The following ROBO4 variants were observed in gnomAD, a reference collection of about 807,000 sequenced individuals.
ROBO4 encodes roundabout guidance receptor 4, also known as roundabout homolog 4.
In ROBO4, 80 loss-of-function variants were observed where a neutral mutation model predicts 103.3. The ratio of observed to expected loss-of-function variants is 0.77; its 90% CI spans 0.65 to 0.93. The LOEUF is 0.93. Ranked by LOEUF, ROBO4 falls within the 40% of genes least tolerant of loss-of-function variation. The pLI is 0.00. For missense variants in ROBO4, 1,333 were observed against 1,305.3 expected (o/e 1.02, Z -0.33); for synonymous variants, 504 against 529.7 (o/e 0.95, Z 0.67).
At position 124,895,904 on chromosome 11, in the gene ROBO4, C is replaced by A; in HGVS notation, c.688G>T (p.Asp230Tyr). The change falls in exon 5 of 18, where the codon GAC becomes TAC. Residue 230 changes from aspartate to tyrosine, a missense_variant. Physicochemically the swap from Asp to Tyr is radical, Grantham distance 160. Coordinates refer to ENST00000306534, the MANE Select transcript of ROBO4 (RefSeq NM_019055.6). ...AARVSIQEPQDYTEPVELLAV... is the reference protein window; with the variant it reads ...AARVSIQEPQYYTEPVELLAV... ...AGAAGCTCCACAGGCTCCGTGTAGT[C>A]CTGGGGCTCTGTGGGGAGGATAGGG... 1 of 1,613,650 alleles carries A rather than the reference C, an allele frequency of 6.2e-7. No homozygotes were observed. Among genetic ancestry groups the A allele is most frequent in the Non-Finnish European group, 8.5e-7 (1 of 1,179,928 alleles).
Position 124,894,395 on chromosome 11 carries a change from C to A in ROBO4, c.1150-26G>T. On this transcript the variant is annotated intron_variant, in intron 7 of 17. Transcript: ENST00000306534. Reference sequence around the variant, plus strand: ...CTGAGGCACAAGCAGAGGTGAACAGCTTCCCCAGGCACCATCCCAGAAGCC... The same window carrying A: ...CTGAGGCACAAGCAGAGGTGAACAGATTCCCCAGGCACCATCCCAGAAGCC... 2 of 1,596,506 alleles carry A rather than the reference C, an allele frequency of 1.3e-6. 1 individual carries two copies. The highest frequency in any genetic ancestry group is 2.7e-5 in the African/African-American group (2 of 74,824).
chr11:124,897,386 G>A, intron 1 of ROBO4, 125 bp from the exon 2 acceptor site: 1 of 764,672 alleles, frequency 1.3e-6, no homozygotes, highest in Non-Finnish European at 2.0e-6. Flanking sequence ...AACTACTAAA[G>A]GTTGCCTCCC....
At position 124,887,137 on chromosome 11, in the gene ROBO4, G is replaced by T. The variant is rs201157134; in HGVS notation, c.2275C>A (p.Pro759Thr). 1.6e-4 allele frequency: 251 copies of T among 1,612,952 alleles called. 2 individuals are homozygous for T. In the South Asian group the frequency reaches 1.8e-3, roughly 11 times the overall value. ...APIPILSPCS[P>T]PSPQASSLSG... ...AGGGAAGAGGCCTGGGGGCTAGGGG[G>T]ACTGCAGGGGCTAAGGATGGGGATG... Residue 759 changes from proline (P) to threonine (T), a missense_variant, in exon 15 of 18, where the codon CCC becomes ACC. By Grantham distance (38) the Pro-to-Thr change is conservative (BLOSUM62 -1). Transcript: ENST00000306534.
intron 12 of ROBO4, among the ~76,000 whole-genome samples, chr11:124,890,268 C>T (rs1946779456): frequency 1.3e-5 from 2 of 152,164 alleles, no homozygotes; most frequent in Non-Finnish European, 2.9e-5. Flanking sequence ...GGATATTGAA[C>T]AAGCTGTTAA....
chr11:124,891,902 G>T, intron 10 of ROBO4, 100 bp from the exon 11 acceptor site: 1 of 1,333,958 alleles, frequency 7.5e-7, no homozygotes, highest in Non-Finnish European at 1.0e-6. Flanking sequence ...AAGAGGGCAA[G>T]GAGATGGTGG....
chr11:124,887,597 C>A, intron 13 of ROBO4, 98 bp from the exon 14 acceptor site: 1 of 1,561,988 alleles, frequency 6.4e-7, no homozygotes, highest in Non-Finnish European at 8.7e-7. Context: ...GCTACCTGTC[C>A]ACTACTCCAT....
chr11:124,894,961 T>G, intron 7 of ROBO4, 120 bp downstream of exon 7: 1 of 765,424 alleles, frequency 1.3e-6, no homozygotes, highest in East Asian at 2.7e-5. Context: ...CAAAAGCAGG[T>G]TTCCTTTGCT....
Position 124,891,376 on chromosome 11 carries a change from A to C in ROBO4, c.1871T>G (p.Leu624Arg). 1 of 1,555,838 alleles carries C rather than the reference A, an allele frequency of 6.4e-7. No individual in the cohort carries two copies. Among genetic ancestry groups the C allele is most frequent in the Non-Finnish European group, 8.7e-7 (1 of 1,151,256 alleles). Reference sequence around the variant, plus strand: ...AGAAGAGAGTCCCCTGCGGCTGCAGAGGCTGTCTGAGCTGGAACAGGGGCT... The same window carrying C: ...AGAAGAGAGTCCCCTGCGGCTGCAGCGGCTGTCTGAGCTGGAACAGGGGCT... Reference protein sequence around the residue: ...LSSPCSSSDSLCSRRGLSSPR... With the variant: ...LSSPCSSSDSRCSRRGLSSPR... Residue 624 changes from leucine (L) to arginine (R), a missense_variant, in exon 12 of 18, where the codon CTC becomes CGC. Physicochemically the swap from Leu to Arg is moderately radical, Grantham distance 102. Transcript: ENST00000306534.
intron 12 of ROBO4, among the ~76,000 whole-genome samples, chr11:124,889,184 G>GT (rs1946764400): frequency 1.3e-5 from 2 of 152,288 alleles, no homozygotes; most frequent in South Asian, 4.1e-4. Context: ...TGGCTGTTTG[G>GT]TTTTTATTGA....
At chr11:124,887,694 T>C in intron 13 of ROBO4, 39 bp downstream of exon 13, 1 of 1,594,292 alleles carries the variant, frequency 6.3e-7, no homozygotes, top group Non-Finnish European at 8.6e-7. Flanking sequence ...CTACACCCTA[T>C]CTCACCCCTT....
chr11:124,895,808 G>T lies in ROBO4; in HGVS notation c.784C>A (p.Pro262Thr). ...PDPAEGPKPR[P>T]AVWLSWKVSG... The stretch of plus-strand genomic sequence containing the variant: ...ACCTTCCAGCTGAGCCACACCGCCG[G>T]TCTAGGCTTGGGGCCCTCTGCAGGA... The change falls in exon 5 of 18, where the codon CCG (proline) becomes ACG (threonine). Residue 262 changes from proline to threonine, a missense_variant. Transcript: ENST00000306534. 6.2e-7 allele frequency: 1 copy of T among 1,614,144 alleles called. No homozygotes were observed. The highest frequency in any genetic ancestry group is 8.5e-7 in the Non-Finnish European group (1 of 1,180,036).
At position 124,893,573 on chromosome 11, in the gene ROBO4, T is replaced by G. The variant is rs968878428; in HGVS notation, c.1547+115A>C. On this transcript the variant is annotated intron_variant, in intron 10 of 17. Transcript: ENST00000306534. ...CAGTTGGAGTTACAGGAGAGATTCA[T>G]GTACGACAGTCCCAAACTCCCTGGC... 1.5e-5 allele frequency: 13 copies of G among 894,120 alleles called. No homozygotes were observed. The Admixed American group carries it at 2.0e-4, about 14-fold the overall frequency. The allele number at this position is 894,120 out of a possible 1,614,324, so 55.4% of individuals were successfully genotyped here. A position where few individuals can be genotyped will look rare whatever the true frequency, so the allele number is the denominator to read the frequency against.
At chr11:124,887,894 A>G in intron 12 of ROBO4, 54 bp from the exon 13 acceptor site, 7 of 1,424,934 alleles carry the variant, frequency 4.9e-6, no homozygotes, top group Non-Finnish European at 6.8e-6. Context: ...TTCAGACCCC[A>G]GCTGCTGGCT....
intron 6 of ROBO4, 127 bp from the exon 7 acceptor site, chr11:124,895,320 C>A: frequency 8.6e-7 from 1 of 1,161,384 alleles, no homozygotes; most frequent in Non-Finnish European, 1.3e-6. Context: ...GCTCTGCTGG[C>A]CTGGCCAGGG....
intron 1 of ROBO4, 89 bp from the exon 2 acceptor site, chr11:124,897,350 G>A (rs1217018535): frequency 7.8e-6 from 8 of 1,023,490 alleles, no homozygotes; most frequent in Admixed American, 3.1e-5. Flanking sequence ...TCTTGTGTGC[G>A]AGTTTGCCAG....
At chr11:124,887,878 G>T in intron 12 of ROBO4, 38 bp from the exon 13 acceptor site, 1 of 1,533,778 alleles carries the variant, frequency 6.5e-7, no homozygotes, top group Non-Finnish European at 9.0e-7. Flanking sequence ...GGCCCAGGAT[G>T]GACTTTTCAG....
At chr11:124,894,171 G>A (rs776030970) in intron 8 of ROBO4, 30 bp downstream of exon 8, 12 of 1,589,900 alleles carry the variant, frequency 7.5e-6, no homozygotes, top group Non-Finnish European at 1.0e-5. Context: ...AGGCTGAAGG[G>A]TAGGGTGGGT....
At chr11:124,895,757 G>A (rs774885847) in intron 5 of ROBO4, 28 bp downstream of exon 5, 10 of 1,613,944 alleles carry the variant, frequency 6.2e-6, no homozygotes, top group Non-Finnish European at 8.5e-6. Flanking sequence ...CTCTGGATCG[G>A]CTTTTACCCT....
Position 124,884,774 on chromosome 11 carries a change from A to AC in ROBO4, c.*116_*117insG. 1 of 1,131,192 alleles carries AC rather than the reference A, an allele frequency of 8.8e-7. No homozygotes were observed. Among genetic ancestry groups the AC allele is most frequent in the Non-Finnish European group, 1.3e-6 (1 of 746,118 alleles). 70.1% of individuals were successfully genotyped at this position (1,131,192 alleles called of 1,614,324 possible). A position where few individuals can be genotyped will look rare whatever the true frequency, so the allele number is the denominator to read the frequency against. ...GGGAGAACTCTCTGGAGGCTTGGGA[A>AC]GGTGGACCCCAGCTGCAGAGAAACA... is the stretch of plus-strand genomic sequence containing the variant. On this transcript the variant is annotated 3_prime_UTR_variant, in exon 18 of 18. Transcript: ENST00000306534.
Sources: allele counts gnomAD v4.1 joint callset (sites outside exome capture counted in the v4.1 genomes callset), GRCh38; gene constraint gnomAD v4.1.1; transcripts MANE v1.5; gene names NCBI Gene and HGNC (gene_info 2026-07-23, HGNC 2026-07-21).